Variants in NFIA observed in about 807,000 individuals in gnomAD.
The protein encoded by NFIA is nuclear factor I A, also known as nuclear factor 1 A-type.
Under a neutral mutation model 62.8 loss-of-function variants are expected in NFIA, and 8 were observed. The ratio of observed to expected loss-of-function variants is 0.13; its 90% CI spans 0.07 to 0.23. NFIA has a LOEUF of 0.23. NFIA is among the 10% of genes least tolerant of loss of function. The pLI is 1.00. For synonymous variants in NFIA, 235 were observed against 238.1 expected (o/e 0.99, Z 0.12); for missense variants, 410 against 642.1 (o/e 0.64, Z 3.91).
intron 3 of NFIA, 68 bp from the exon 4 acceptor site, chr1:61,332,444 T>C: frequency 7.0e-7 from 1 of 1,429,882 alleles, no homozygotes; most frequent in Non-Finnish European, 9.9e-7. Context: ...GAAACTAATA[T>C]TTAAAGCTCT....
chr1:61,211,730 C>T (rs908898285), intron 2 of NFIA, among the ~76,000 whole-genome samples: 1 of 152,156 alleles, frequency 6.6e-6, no homozygotes, highest in African/African-American at 2.4e-5. Flanking sequence ...CAAAGTCTGG[C>T]TCTGTCACCC....
intron 9 of NFIA, among the ~76,000 whole-genome samples, chr1:61,409,869 A>G (rs150586536): frequency 1.3e-5 from 2 of 152,350 alleles, no homozygotes; most frequent in African/African-American, 4.8e-5. Context: ...TGAAGCCCTT[A>G]CAACCTAGAG....
intron 2 of NFIA, among the ~76,000 whole-genome samples, chr1:61,116,290 G>T (rs1423200098): frequency 2.0e-5 from 3 of 152,162 alleles, no homozygotes; most frequent in African/African-American, 7.2e-5. Context: ...ATAACTTACA[G>T]TACATATCTG....
intron 4 of NFIA, among the ~76,000 whole-genome samples, chr1:61,341,559 A>AC (rs111759251): frequency 0.042 from 6,317 of 150,142 alleles, 437 homozygotes; most frequent in African/African-American, 0.14. Flanking sequence ...GCTCCCTGTA[A>AC]CTCCACCTCC....
In NFIA at chr1:61,260,673, C is replaced by T. The variant is rs543307531; in HGVS notation, c.560-16847C>T. On this transcript the variant is annotated intron_variant, in intron 2 of 10. Coordinates refer to ENST00000403491, the MANE Select transcript of NFIA (RefSeq NM_001134673.4). ...TCGGCTCACTGCAAGCTCCGCCTCC[C>T]GGGTTCATGCCATTCTCCTGCCTCA... Among the ~76,000 whole-genome samples the T allele has an allele frequency of 3.0e-3, 452 of 152,300 alleles. 2 individuals carry two copies. The highest frequency in any genetic ancestry group is 8.4e-3 in the Admixed American group (129 of 15,312).
chr1:61,222,771 A>G (rs1351557506), intron 2 of NFIA, among the ~76,000 whole-genome samples: 2 of 152,072 alleles, frequency 1.3e-5, no homozygotes, highest in South Asian at 2.1e-4. Flanking sequence ...TATATGTAAG[A>G]TATGTATATC....
chr1:61,192,778 A>G (rs1651733057), intron 2 of NFIA, among the ~76,000 whole-genome samples: 1 of 152,124 alleles, frequency 6.6e-6, no homozygotes, highest in Non-Finnish European at 1.5e-5. Context: ...GACTTCATTT[A>G]CTGTAAGTGC....
chr1:61,268,642 A>G (rs1208477269), intron 2 of NFIA, among the ~76,000 whole-genome samples: 5 of 152,296 alleles, frequency 3.3e-5, no homozygotes, highest in African/African-American at 1.2e-4. Context: ...CTGTTGATGC[A>G]CAAAGGCAGT....
intron 4 of NFIA, among the ~76,000 whole-genome samples, chr1:61,351,486 A>C (rs957965076): frequency 3.3e-5 from 5 of 152,226 alleles, no homozygotes; most frequent in African/African-American, 1.2e-4. Context: ...GCCTCAGTAC[A>C]GTATCTATTG....
chr1:61,285,460 T>C (rs771786411), intron 3 of NFIA, among the ~76,000 whole-genome samples: 3 of 152,198 alleles, frequency 2.0e-5, no homozygotes, highest in Non-Finnish European at 4.4e-5. Context: ...ATATACATAA[T>C]GTATTTGGGG....
rs200939944 is a variant in NFIA, at chr1:61,314,216, C to G, written c.626-18296C>G. Among the ~76,000 whole-genome samples, 6 of 152,134 alleles carry G rather than the reference C, an allele frequency of 3.9e-5. No homozygotes were observed. In the East Asian group the frequency reaches 1.2e-3, roughly 29 times the overall value. ...GCCCTTTCACTAGTTTAATGCCCCC[C>G]TCTGTGCCCTCAGAGCCTGCTTCCA... On this transcript the variant is annotated intron_variant, in intron 3 of 10. Coordinates refer to ENST00000403491, the MANE Select transcript of NFIA (RefSeq NM_001134673.4).
intron 3 of NFIA, among the ~76,000 whole-genome samples, chr1:61,310,702 T>C (rs1190988698): frequency 6.6e-6 from 1 of 150,670 alleles, no homozygotes; most frequent in Admixed American, 6.6e-5. Context: ...CTTCTTTCTT[T>C]TCTCTTTTCC....
At chr1:61,395,127 A>G (rs1665198918) in intron 7 of NFIA, among the ~76,000 whole-genome samples, 2 of 152,008 alleles carry the variant, frequency 1.3e-5, no homozygotes, top group South Asian at 4.2e-4. Flanking sequence ...AGAGAGAGAA[A>G]AGTAGCCTAT....
At chr1:61,090,245 G>C (rs757127020) in intron 2 of NFIA, among the ~76,000 whole-genome samples, 1 of 152,144 alleles carries the variant, frequency 6.6e-6, no homozygotes, top group Non-Finnish European at 1.5e-5. Context: ...GGTGTTACAG[G>C]TGCTTTCAAG....
chr1:61,306,346 T>G (rs1246159468), intron 3 of NFIA, among the ~76,000 whole-genome samples: 1 of 133,618 alleles, frequency 7.5e-6, no homozygotes, highest in Non-Finnish European at 1.6e-5. Context: ...AAGCCATCTC[T>G]GCTCACGCAA....
chr1:61,251,527 A>C (rs185113332), intron 2 of NFIA: 5 of 152,324 alleles, frequency 3.3e-5, no homozygotes, highest in Admixed American at 6.5e-5. Flanking sequence ...TCATACATTT[A>C]TTTTGAAGCT....
chr1:61,108,251 ATAT>A (rs1393062047), intron 2 of NFIA, among the ~76,000 whole-genome samples: 3 of 151,646 alleles, frequency 2.0e-5, no homozygotes, highest in Non-Finnish European at 4.4e-5. Context: ...TAACTATCAA[ATAT>A]TATTATCTAT....
chr1:61,256,096 C>T lies in NFIA; in HGVS notation c.560-21424C>T, dbSNP rs139538445. Among the ~76,000 whole-genome samples, 11 of 152,156 alleles carry T rather than the reference C, an allele frequency of 7.2e-5. No homozygotes were observed. The East Asian group carries it at 1.9e-3, about 27-fold the overall frequency. ...CACACATAAAGTACACTAACATTAA[C>T]GATAGCTGATGAGCTTAAAACAAAA... is the stretch of plus-strand genomic sequence containing the variant. On this transcript the variant is annotated intron_variant, in intron 2 of 10. Transcript: ENST00000403491.
At chr1:61,160,676 C>T (rs1649131841) in intron 2 of NFIA, among the ~76,000 whole-genome samples, 1 of 152,186 alleles carries the variant, frequency 6.6e-6, no homozygotes, top group South Asian at 2.1e-4. Context: ...TCTAGCTTAT[C>T]CAGTTTTGGG....
Sources: gnomAD v4.1 joint callset for allele counts (sites outside exome capture counted in the v4.1 genomes callset) on GRCh38, gnomAD v4.1.1 for gene constraint, MANE v1.5 for transcripts, NCBI Gene and HGNC (gene_info 2026-07-23, HGNC 2026-07-21) for gene names.